Variants in ARSJ observed in about 807,000 individuals in gnomAD.
The protein encoded by ARSJ is arylsulfatase J.
Under a neutral mutation model 35.9 loss-of-function variants are expected in ARSJ, and 26 were observed. The observed-to-expected ratio is 0.72, with a 90% CI of 0.53 to 1.00. The LOEUF (loss-of-function observed/expected upper bound fraction) is 1.00, where lower values mean the gene tolerates loss of function less well. Ranked by LOEUF, ARSJ falls within the 50% of genes least tolerant of loss-of-function variation. ARSJ has a pLI of 0.00. For synonymous variants in ARSJ, 294 were observed against 267.6 expected (o/e 1.10, Z -0.96); for missense variants, 667 against 723.6 (o/e 0.92, Z 0.90).
At chr4:113,923,933 C>G (rs984527144) in intron 1 of ARSJ, among the ~76,000 whole-genome samples, 4 of 149,730 alleles carry the variant, frequency 2.7e-5, no homozygotes, top group African/African-American at 9.8e-5. Context: ...AGTTCTGGAG[C>G]TAATTATCAA....
At chr4:113,943,763 T>C (rs1362112989) in intron 1 of ARSJ, among the ~76,000 whole-genome samples, 2 of 152,026 alleles carry the variant, frequency 1.3e-5, no homozygotes, top group Admixed American at 1.3e-4. Flanking sequence ...GGAAAAATCA[T>C]TCAAACAGAA....
chr4:113,947,419 G>A (rs1458793782), intron 1 of ARSJ, among the ~76,000 whole-genome samples: 1 of 151,890 alleles, frequency 6.6e-6, no homozygotes, highest in Non-Finnish European at 1.5e-5. Flanking sequence ...GTTGGAGGTT[G>A]CAGTGAGCCG....
chr4:113,979,126 A>G lies in ARSJ; in HGVS notation c.-292T>C. On this transcript the variant is annotated 5_prime_UTR_variant, in exon 1 of 2. Transcript: ENST00000315366. ...AAGGAAAAAAAAAAGAAAAAAGTTA[A>G]TATCTCCACCCAAAAGTTCTCTGGA... is the stretch of plus-strand genomic sequence containing the variant. 3.4e-6 allele frequency: 1 copy of G among 296,786 alleles called. No homozygotes were observed. Among genetic ancestry groups the G allele is most frequent in the East Asian group, 5.6e-5 (1 of 17,940 alleles). The allele number at this position is 296,786 out of a possible 1,614,324, so 18.4% of individuals were successfully genotyped here.
intron 1 of ARSJ, among the ~76,000 whole-genome samples, chr4:113,924,929 T>A (rs1723957081): frequency 6.6e-6 from 1 of 151,838 alleles, no homozygotes; most frequent in Admixed American, 6.6e-5. Context: ...CAGGTTGTGG[T>A]TTTTTTTCCT....
chr4:113,930,312 T>C (rs2149263762), intron 1 of ARSJ, among the ~76,000 whole-genome samples: 1 of 152,232 alleles, frequency 6.6e-6, no homozygotes, highest in South Asian at 2.1e-4. Context: ...GCATGCATCA[T>C]GGGAGAACAA....
chr4:113,978,614 G>A lies in ARSJ; in HGVS notation c.221C>T (p.Ser74Phe), dbSNP rs748760887. Residue 74 changes from serine to phenylalanine, a missense_variant, in exon 1 of 2, where the codon TCC becomes TTC. Coordinates refer to ENST00000315366, the MANE Select transcript of ARSJ (RefSeq NM_024590.4). ...TAGGATGAAAATGAGATGGGGCTGG[G>A]AGGTGGAAGTTGTGCTGGGCTCTAG... ...EKLEPSTTSTSQPHLIFILAD... is the reference protein window; with the variant it reads ...EKLEPSTTSTFQPHLIFILAD... 1.9e-6 allele frequency: 3 copies of A among 1,614,148 alleles called. No homozygotes were observed. The Admixed American group carries it at 5.0e-5, about 27-fold the overall frequency.
At chr4:113,976,235 A>T (rs1228499043) in intron 1 of ARSJ, among the ~76,000 whole-genome samples, 1 of 152,182 alleles carries the variant, frequency 6.6e-6, no homozygotes, top group Admixed American at 6.5e-5. Flanking sequence ...TCATGTGAAG[A>T]TATTTGAATC....
intron 1 of ARSJ, among the ~76,000 whole-genome samples, chr4:113,912,518 G>A (rs1722984208): frequency 6.6e-6 from 1 of 152,074 alleles, no homozygotes; most frequent in Admixed American, 6.6e-5. Context: ...AAAAGAATAT[G>A]GTGGGACTAT....
chr4:113,932,557 C>A (rs1365515309), intron 1 of ARSJ, among the ~76,000 whole-genome samples: 1 of 151,892 alleles, frequency 6.6e-6, no homozygotes, highest in Non-Finnish European at 1.5e-5. Context: ...CAAGGGGAAC[C>A]TTGGAAACTG....
chr4:113,945,683 G>A (rs573984454), intron 1 of ARSJ, among the ~76,000 whole-genome samples: 43 of 152,102 alleles, frequency 2.8e-4, no homozygotes, highest in African/African-American at 8.4e-4. Context: ...CATAAATTCC[G>A]TTGCTACATT....
intron 1 of ARSJ, among the ~76,000 whole-genome samples, chr4:113,975,163 G>C (rs1279508817): frequency 6.6e-6 from 1 of 152,196 alleles, no homozygotes; most frequent in Non-Finnish European, 1.5e-5. Flanking sequence ...AGGGATACCA[G>C]TTGGGTAGGG....
At chr4:113,919,542 A>G (rs1723534393) in intron 1 of ARSJ, among the ~76,000 whole-genome samples, 1 of 152,202 alleles carries the variant, frequency 6.6e-6, no homozygotes, top group Admixed American at 6.5e-5. Flanking sequence ...CCCCGAATGT[A>G]GTCAGACCAC....
intron 1 of ARSJ, among the ~76,000 whole-genome samples, chr4:113,952,910 G>A (rs1725951402): frequency 6.6e-6 from 1 of 152,020 alleles, no homozygotes; most frequent in African/African-American, 2.4e-5. Context: ...CTTGAAGCAG[G>A]AGTCTTAGTG....
At chr4:113,975,156 G>T (rs1013083936) in intron 1 of ARSJ, among the ~76,000 whole-genome samples, 1 of 152,158 alleles carries the variant, frequency 6.6e-6, no homozygotes, top group Non-Finnish European at 1.5e-5. Flanking sequence ...CATGGTGAGG[G>T]ATACCAGTTG....
At chr4:113,977,801 A>C (rs751963849) in intron 1 of ARSJ, among the ~76,000 whole-genome samples, 101 of 152,222 alleles carry the variant, frequency 6.6e-4, no homozygotes, top group Non-Finnish European at 1.4e-3. Flanking sequence ...GAGCAACAGA[A>C]AACTGCAGAT....
In ARSJ at chr4:113,978,893, G is replaced by A; in HGVS notation, c.-59C>T. 7.3e-6 allele frequency: 11 copies of A among 1,510,088 alleles called. No homozygotes were observed. The highest frequency in any genetic ancestry group is 9.8e-6 in the Non-Finnish European group (11 of 1,127,626). 93.5% of individuals were successfully genotyped at this position (1,510,088 alleles called of 1,614,324 possible). A position where few individuals can be genotyped will look rare whatever the true frequency, so the allele number is the denominator to read the frequency against. On this transcript the variant is annotated 5_prime_UTR_variant, in exon 1 of 2. Transcript: ENST00000315366. ...AACCACGCGCCCCGCGCCGCTGCGGGCGCACACATGCACCCAACAGACGGT... is the reference window on the plus strand; with the variant it reads ...AACCACGCGCCCCGCGCCGCTGCGGACGCACACATGCACCCAACAGACGGT...
At chr4:113,908,257 T>C (rs932223071) in intron 1 of ARSJ, among the ~76,000 whole-genome samples, 1 of 152,216 alleles carries the variant, frequency 6.6e-6, no homozygotes, top group Non-Finnish European at 1.5e-5. Flanking sequence ...CTGATTTTGA[T>C]GGTTTTGTGG....
Position 113,901,011 on chromosome 4 carries a change from C to CTT in ARSJ, c.*1261_*1262dup, listed in dbSNP as rs1428100938. On this transcript the variant is annotated 3_prime_UTR_variant, in exon 2 of 2. Coordinates refer to ENST00000315366, the MANE Select transcript of ARSJ (RefSeq NM_024590.4). ...ATGTTAGTTATTATTATGGGAAAAT[C>CTT]TTTCTCCATGTCATAGCCAAGGGGA... is the stretch of plus-strand genomic sequence containing the variant. 1 of 152,152 alleles carries CTT rather than the reference C, an allele frequency of 6.6e-6. No individual in the cohort carries two copies. The highest frequency in any genetic ancestry group is 6.5e-5 in the Admixed American group (1 of 15,270). The allele number at this position is 152,152 out of a possible 1,614,324, so 9.4% of individuals were successfully genotyped here.
At chr4:113,952,040 T>C (rs1369015684) in intron 1 of ARSJ, among the ~76,000 whole-genome samples, 1 of 152,074 alleles carries the variant, frequency 6.6e-6, no homozygotes, top group African/African-American at 2.4e-5. Context: ...GGATTTTGCA[T>C]GCTGGAAGAA....
Sources: gnomAD v4.1 joint callset for allele counts (sites outside exome capture counted in the v4.1 genomes callset) on GRCh38, gnomAD v4.1.1 for gene constraint, MANE v1.5 for transcripts, NCBI Gene and HGNC (gene_info 2026-07-23, HGNC 2026-07-21) for gene names.